The following KEAP1 variants were observed in gnomAD, a reference collection of about 807,000 sequenced individuals.
KEAP1 encodes kelch-like ECH-associated protein 1.
KEAP1 carries 26 observed loss-of-function variants against 59.7 expected under a neutral mutation model. The observed-to-expected ratio is 0.44, with a 90% CI of 0.32 to 0.60. The LOEUF is 0.60. Ranked by LOEUF, KEAP1 falls within the 20% of genes least tolerant of loss-of-function variation. The pLI is 0.06. For synonymous variants in KEAP1, 350 were observed against 358.3 expected (o/e 0.98, Z 0.26); for missense variants, 539 against 871.4 (o/e 0.62, Z 4.80).
At chr19:10,492,569 T>G in intron 2 of KEAP1, 1 of 300,296 alleles carries the variant, frequency 3.3e-6, no homozygotes, top group Non-Finnish European at 6.4e-6. Context: ...AATACAAAAA[T>G]TACCCGGGTG....
rs770453522 is a variant in KEAP1 at position 10,486,726 on chromosome 19, G to A, written c.1801C>T (p.Arg601Trp). Residue 601 changes from arginine to tryptophan, a missense_variant, in exon 6 of 6, where the codon CGG becomes TGG. Physicochemically the swap from Arg to Trp is moderately radical, Grantham distance 101. Transcript: ENST00000171111. Reference sequence around the variant, plus strand: ...GTGACAGCCACGCCCACCCCACTCCGGCCCGATGTCATTCGGGTCACCTCG... The same window carrying A: ...GTGACAGCCACGCCCACCCCACTCCAGCCCGATGTCATTCGGGTCACCTCG... ...WSEVTRMTSG[R>W]SGVGVAVTME... The A allele has an allele frequency of 8.1e-6, 13 of 1,613,986 alleles. No homozygotes were observed. The highest frequency in any genetic ancestry group is 1.1e-5 in the Non-Finnish European group (13 of 1,180,000).
intron 2 of KEAP1, among the ~76,000 whole-genome samples, chr19:10,496,172 G>A (rs878914603): frequency 1.4e-5 from 2 of 140,908 alleles, no homozygotes; most frequent in South Asian, 2.4e-4. Context: ...CTGGGTGACA[G>A]AGTGAGACCC....
intron 5 of KEAP1, among the ~76,000 whole-genome samples, chr19:10,488,840 A>T (rs1914564103): frequency 1.3e-5 from 2 of 151,476 alleles, no homozygotes; most frequent in African/African-American, 4.9e-5. Context: ...CTGAGACAGG[A>T]GAATCGCTTG....
In KEAP1 at chr19:10,502,837, C is replaced by T. The variant is rs978282547; in HGVS notation, c.-48+404G>A. 1 of 152,244 alleles carries T rather than the reference C, an allele frequency of 6.6e-6. No individual in the cohort carries two copies. The highest frequency in any genetic ancestry group is 1.9e-4 in the East Asian group (1 of 5,182). 9.4% of individuals were successfully genotyped at this position (152,244 alleles called of 1,614,324 possible). A position where few individuals can be genotyped will look rare whatever the true frequency, so the allele number is the denominator to read the frequency against. ...CGCCCGCCGTGTCACAATAAAAGTC[C>T]CCGGGCCCTGGCCTCAGGCGGTAGG... is the stretch of plus-strand genomic sequence containing the variant. On this transcript the variant is annotated intron_variant, in intron 1 of 5. Transcript: ENST00000171111. The surrounding 1 kb of genome is among the most constrained non-coding windows in gnomAD (Gnocchi z 4.0).
chr19:10,491,366 T>A lies in KEAP1; in HGVS notation c.1325+211A>T, dbSNP rs1355682411. On this transcript the variant is annotated intron_variant, in intron 3 of 5. Transcript: ENST00000171111. This position sits in a 1 kb window ranked among gnomAD's most constrained non-coding sequence, Gnocchi z 5.2. ...CTCCGCACAAAGGAACCATATGGGT[T>A]TGTGACAGTCCCCTAAGCATTTCCC... Among the ~76,000 whole-genome samples, 1 of 152,154 alleles carries A rather than the reference T, an allele frequency of 6.6e-6. No homozygotes were observed. The highest frequency in any genetic ancestry group is 1.5e-5 in the Non-Finnish European group (1 of 68,020).
chr19:10,489,068 TG>T, intron 5 of KEAP1, 123 bp downstream of exon 5: 1 of 815,506 alleles, frequency 1.2e-6, no homozygotes, highest in Non-Finnish European at 1.8e-6. Context: ...GCACTCCAGC[TG>T]GGCAACAGAG....
In KEAP1 at chr19:10,499,989, TCGGCAGCAGGCCCCAG is replaced by T; in HGVS notation, c.29_44del (p.Ala10AspfsTer17). The T allele has an allele frequency of 6.3e-7, 1 of 1,580,824 alleles. No homozygotes were observed. Among genetic ancestry groups the T allele is most frequent in the Non-Finnish European group, 8.6e-7 (1 of 1,158,380 alleles). On this transcript the variant is annotated frameshift_variant, in exon 2 of 6. Transcript: ENST00000171111. LOFTEE classifies it high-confidence loss of function. This position sits in a 1 kb window ranked among gnomAD's most constrained non-coding sequence, Gnocchi z 6.7. Reference sequence around the variant, plus strand: ...GGCACTGTGACTGCAGGGGCAGGAATCGGCAGCAGGCCCCAGCCCCGCTAGGCCTGGGATCTGGCTG... The same window carrying T: ...GGCACTGTGACTGCAGGGGCAGGAATCCCCGCTAGGCCTGGGATCTGGCTG...
In KEAP1 at chr19:10,499,611, G is replaced by A. The variant is rs1326760800; in HGVS notation, c.423C>T (p.Tyr141=). Residue 141 remains tyrosine (Y), a synonymous_variant, in exon 2 of 6, where the codon TAC becomes TAT. Transcript: ENST00000171111. The surrounding 1 kb of genome is among the most constrained non-coding windows in gnomAD (Gnocchi z 6.7). ...TCTCGCCCATGGAGATGGAGGCCGT[G>A]TAGGCGAATTCAATGAGGCGCTCCA... ...KVMERLIEFA[Y]TASISMGEKC... The A allele has an allele frequency of 3.1e-6, 5 of 1,614,000 alleles. No homozygotes were observed. The African/African-American group carries it at 5.3e-5, about 17-fold the overall frequency.
intron 1 of KEAP1, among the ~76,000 whole-genome samples, chr19:10,501,348 G>T (rs571686744): frequency 6.6e-6 from 1 of 151,510 alleles, no homozygotes; most frequent in Admixed American, 6.6e-5. Flanking sequence ...AGATATTCTC[G>T]ACCGGGCGTG....
rs138428670 is a variant in KEAP1, at chr19:10,499,945, G to T, written c.89C>A (p.Ala30Glu). 2.5e-6 allele frequency: 4 copies of T among 1,608,608 alleles called. No homozygotes were observed. Among genetic ancestry groups the T allele is most frequent in the African/African-American group, 1.3e-5 (1 of 74,820 alleles). Residue 30 changes from alanine (A) to glutamate (E), a missense_variant, in exon 2 of 6, where the codon GCG (alanine) becomes GAG (glutamate). Coordinates refer to ENST00000171111, the MANE Select transcript of KEAP1 (RefSeq NM_203500.2). This position sits in a 1 kb window ranked among gnomAD's most constrained non-coding sequence, Gnocchi z 6.7. ...QSQCPEGAGD[A>E]VMYASTECKA... ...GCACTCAGTGGAGGCGTACATCACC[G>T]CGTCCCCTGCCCCCTCAGGGCACTG...
At chr19:10,496,115 G>A (rs1914837071) in intron 2 of KEAP1, among the ~76,000 whole-genome samples, 1 of 151,148 alleles carries the variant, frequency 6.6e-6, no homozygotes, top group African/African-American at 2.4e-5. Flanking sequence ...CTTGAGCCCA[G>A]GAGCTGGAGT....
chr19:10,493,793 C>T (rs1914760917), intron 2 of KEAP1, among the ~76,000 whole-genome samples: 1 of 151,512 alleles, frequency 6.6e-6, no homozygotes, highest in African/African-American at 2.4e-5. Context: ...GATCTCCTGA[C>T]CTCGTGATCC....
At chr19:10,487,559 G>C (rs949438439) in intron 5 of KEAP1, among the ~76,000 whole-genome samples, 1 of 152,052 alleles carries the variant, frequency 6.6e-6, no homozygotes, top group African/African-American at 2.4e-5. Context: ...GGGAGACTGA[G>C]GTAGGAGAAT....
Position 10,499,126 on chromosome 19 carries a change from C to G in KEAP1, c.639+269G>C, listed in dbSNP as rs936234793. The stretch of plus-strand genomic sequence containing the variant: ...TTGGGATTACAGGCATGAGCCACCA[C>G]GCCCGGCCCCAGTTGTTTTTTGTTT... On this transcript the variant is annotated intron_variant, in intron 2 of 5. Coordinates refer to ENST00000171111, the MANE Select transcript of KEAP1 (RefSeq NM_203500.2). The surrounding 1 kb of genome is among the most constrained non-coding windows in gnomAD (Gnocchi z 6.7). 6.6e-6 allele frequency among the ~76,000 whole-genome samples: 1 copy of G among 152,146 alleles called. No individual in the cohort carries two copies. The highest frequency in any genetic ancestry group is 6.6e-5 in the Admixed American group (1 of 15,258).
intron 3 of KEAP1, chr19:10,490,251 CAAA>C (rs796097627): frequency 5.1e-5 from 5 of 97,254 alleles, no homozygotes; most frequent in Admixed American, 1.1e-4. Flanking sequence ...GACTCCATCT[CAAA>C]AAAAAAAAAA....
chr19:10,492,039 C>T lies in KEAP1; in HGVS notation c.863G>A (p.Cys288Tyr), dbSNP rs770213330. 6.2e-7 allele frequency: 1 copy of T among 1,614,058 alleles called. No individual in the cohort carries two copies. The highest frequency in any genetic ancestry group is 1.1e-5 in the South Asian group (1 of 91,092). The change falls in exon 3 of 6, where the codon TGC becomes TAC. Residue 288 changes from cysteine (C) to tyrosine (Y), a missense_variant. Cys to Tyr is a radical substitution (Grantham distance 194, BLOSUM62 -2). Transcript: ENST00000171111. The stretch of plus-strand genomic sequence containing the variant: ...GCGGGAGTCGGACTGCAGGATCTCG[C>T]ACTTCTGCAGCTGCATCTGCAGGAA... ...PNFLQMQLQK[C>Y]EILQSDSRCK... is the part of the protein sequence containing the mutation.
chr19:10,489,914 T>C, intron 3 of KEAP1, 61 bp from the exon 4 acceptor site: 1 of 1,472,170 alleles, frequency 6.8e-7, no homozygotes, highest in Non-Finnish European at 9.3e-7. Flanking sequence ...GTGGAATACT[T>C]AAGGGCCAGA....
intron 5 of KEAP1, among the ~76,000 whole-genome samples, chr19:10,487,684 A>G (rs1914513258): frequency 6.6e-6 from 1 of 151,640 alleles, no homozygotes; most frequent in South Asian, 2.1e-4. Flanking sequence ...ATAAACAAAA[A>G]ATAAAAAAAT....
In KEAP1 at chr19:10,489,480, A is replaced by T. The variant is rs532629607; in HGVS notation, c.1532-112T>A. The T allele has an allele frequency of 1.7e-4, 220 of 1,283,750 alleles. 1 individual carries two copies. In the South Asian group the frequency reaches 2.5e-3, roughly 14 times the overall value. 79.5% of individuals were successfully genotyped at this position (1,283,750 alleles called of 1,614,324 possible). On this transcript the variant is annotated intron_variant, in intron 4 of 5. Transcript: ENST00000171111. ...TCTCCTCTCCCTTCTCACCCTCAGA[A>T]ATGAAGCGGGGAGAGAGAGAAGCTT...
Sources: gnomAD v4.1 joint callset for allele counts (sites outside exome capture counted in the v4.1 genomes callset) on GRCh38, gnomAD v4.1.1 for gene constraint, Gnocchi (gnomAD v3.1) non-coding constraint, MANE v1.5 for transcripts, NCBI Gene and HGNC (gene_info 2026-07-23, HGNC 2026-07-21) for gene names.